OSGIN2: variants seen among roughly 807,000 people sequenced by gnomAD.
OSGIN2 encodes the protein oxidative stress-induced growth inhibitor 2.
OSGIN2 carries 19 observed loss-of-function variants against 53.8 expected under a neutral mutation model. The observed-to-expected ratio is 0.35, with a 90% confidence interval of 0.25 to 0.52. OSGIN2 has a LOEUF of 0.52. OSGIN2 is among the 20% of genes least tolerant of loss of function. The pLI is 0.95. For missense variants in OSGIN2, 520 were observed against 662.7 expected, an observed-to-expected ratio of 0.78 and a Z score of 2.36; for synonymous variants, 236 against 236.0, an observed-to-expected ratio of 1.00 and a Z score of 0.00.
intron 1 of OSGIN2, among the ~76,000 whole-genome samples, chr8:89,904,447 ACAAG>A (rs1808793648): frequency 6.6e-6 from 1 of 152,216 alleles, no homozygotes. Context: ...AGAAAGAAAA[ACAAG>A]CTAGCTGCCA....
At chr8:89,912,281 T>C (rs1042814727) in intron 2 of OSGIN2, among the ~76,000 whole-genome samples, 7 of 152,236 alleles carry the variant, frequency 4.6e-5, no homozygotes, top group African/African-American at 1.2e-4. Context: ...TATAAACATA[T>C]AGGAAAGCAA....
rs1254470175 is a variant in OSGIN2 at position 89,925,594 on chromosome 8, G to A, written c.*62G>A. The stretch of plus-strand genomic sequence containing the variant: ...ATTAAAGATTTTTAATAGTGGTTTT[G>A]CAGTGTACTGGCTTGAATTTTCTGG... On this transcript the variant is annotated 3_prime_UTR_variant, in exon 6 of 6. Transcript: ENST00000451899. The A allele has an allele frequency of 2.3e-6, 3 of 1,332,804 alleles. No homozygotes were observed. The highest frequency in any genetic ancestry group is 4.9e-5 in the East Asian group (2 of 40,842). 82.6% of individuals were successfully genotyped at this position (1,332,804 alleles called of 1,614,324 possible). A position where few individuals can be genotyped will look rare whatever the true frequency, so the allele number is the denominator to read the frequency against.
At chr8:89,911,000 C>G (rs1382157301) in intron 2 of OSGIN2, among the ~76,000 whole-genome samples, 1 of 152,186 alleles carries the variant, frequency 6.6e-6, no homozygotes, top group East Asian at 1.9e-4. Flanking sequence ...ATGTATTATT[C>G]TACTGTTCTG....
At chr8:89,916,386 TGTAA>T (rs1246733724) in intron 4 of OSGIN2, among the ~76,000 whole-genome samples, 1 of 152,204 alleles carries the variant, frequency 6.6e-6, no homozygotes, top group Non-Finnish European at 1.5e-5. Flanking sequence ...AAAATAGGGC[TGTAA>T]GTAATATTTC....
chr8:89,916,980 A>G (rs977106280), intron 4 of OSGIN2, among the ~76,000 whole-genome samples: 2 of 152,160 alleles, frequency 1.3e-5, no homozygotes, highest in Non-Finnish European at 2.9e-5. Flanking sequence ...CTTTTCTACC[A>G]TTCCAGACTG....
At chr8:89,912,189 T>C (rs1319355126) in intron 2 of OSGIN2, among the ~76,000 whole-genome samples, 1 of 151,988 alleles carries the variant, frequency 6.6e-6, no homozygotes, top group African/African-American at 2.4e-5. Flanking sequence ...GCAGATATAA[T>C]AAGTGGTAAT....
chr8:89,923,348 T>G (rs1809247304), intron 5 of OSGIN2, among the ~76,000 whole-genome samples: 1 of 152,140 alleles, frequency 6.6e-6, no homozygotes, highest in African/African-American at 2.4e-5. Context: ...AAATCTAAAG[T>G]TAATTCTAAA....
chr8:89,902,893 C>A, intron 1 of OSGIN2, 56 bp downstream of exon 1: 1 of 1,229,812 alleles, frequency 8.1e-7, no homozygotes, highest in South Asian at 2.1e-5. Flanking sequence ...CGCTCTCGAG[C>A]TTTTTGGCCT....
chr8:89,909,133 T>TTTATAATATA (rs1808914003), intron 1 of OSGIN2, among the ~76,000 whole-genome samples: 1 of 149,184 alleles, frequency 6.7e-6, no homozygotes, highest in South Asian at 2.1e-4. Context: ...AAATGCACAA[T>TTTATAATATA]TTATAATATA....
intron 2 of OSGIN2, among the ~76,000 whole-genome samples, chr8:89,912,260 T>C (rs947159121): frequency 2.0e-5 from 3 of 152,250 alleles, no homozygotes; most frequent in Admixed American, 1.3e-4. Context: ...AGTTTGGTTT[T>C]AGTTAAAGCA....
chr8:89,924,302 ACTT>A (rs777453158), intron 5 of OSGIN2, among the ~76,000 whole-genome samples, 198 bp from the exon 6 acceptor site: 20 of 152,116 alleles, frequency 1.3e-4, no homozygotes, highest in African/African-American at 4.8e-5. Flanking sequence ...CTCTCATGGG[ACTT>A]CTTCCAATTT....
At chr8:89,918,468 C>A (rs563067871) in intron 4 of OSGIN2, among the ~76,000 whole-genome samples, 1 of 152,072 alleles carries the variant, frequency 6.6e-6, no homozygotes, top group Non-Finnish European at 1.5e-5. Flanking sequence ...CCAGCTGACT[C>A]TTGTTCTTTA....
intron 2 of OSGIN2, among the ~76,000 whole-genome samples, chr8:89,912,397 A>G (rs1047803433): frequency 1.3e-5 from 2 of 152,170 alleles, no homozygotes; most frequent in Non-Finnish European, 2.9e-5. Flanking sequence ...GCGTTGCAGT[A>G]AAGAAGTTGA....
intron 1 of OSGIN2, 43 bp downstream of exon 1, chr8:89,902,880 C>G: frequency 7.6e-7 from 1 of 1,313,594 alleles, no homozygotes; most frequent in East Asian, 3.1e-5. Flanking sequence ...GGCGGGGATG[C>G]CGCGCTCTCG....
chr8:89,909,708 T>C lies in OSGIN2; in HGVS notation c.186T>C (p.Pro62=). ...TGGAAGATTCGTCAGTGACTTTTCC[T>C]GTGGTAATAATAGGTAAGTTATTGT... ...SLLEDSSVTF[P]VVIIGNGPSG... Residue 62 remains proline, a synonymous_variant, in exon 2 of 6, where the codon CCT becomes CCC. Coordinates refer to ENST00000451899, the MANE Select transcript of OSGIN2 (RefSeq NM_001126111.3). 6.2e-7 allele frequency: 1 copy of C among 1,604,128 alleles called. No homozygotes were observed. The highest frequency in any genetic ancestry group is 8.5e-7 in the Non-Finnish European group (1 of 1,172,734).
chr8:89,910,063 A>G (rs183419140), intron 2 of OSGIN2, among the ~76,000 whole-genome samples: 49 of 152,028 alleles, frequency 3.2e-4, no homozygotes, highest in African/African-American at 1.1e-3. Flanking sequence ...ATACCTTACA[A>G]CTCTGCAGAC....
intron 1 of OSGIN2, among the ~76,000 whole-genome samples, chr8:89,904,845 A>G (rs1262537971): frequency 6.6e-6 from 1 of 152,210 alleles, no homozygotes; most frequent in Non-Finnish European, 1.5e-5. Flanking sequence ...AACACAGATT[A>G]TAAAACAGGT....
chr8:89,908,512 A>T (rs1808884835), intron 1 of OSGIN2, among the ~76,000 whole-genome samples: 1 of 152,178 alleles, frequency 6.6e-6, no homozygotes, highest in Non-Finnish European at 1.5e-5. Flanking sequence ...CTTGTGAAAT[A>T]ACTGATCTAT....
chr8:89,902,768 C>G lies in OSGIN2; in HGVS notation c.-26C>G, dbSNP rs1808750584. On this transcript the variant is annotated 5_prime_UTR_variant, in exon 1 of 6. Transcript: ENST00000451899. Reference sequence around the variant, plus strand: ...GGCGGAGGCGGCCACGGCGGCCGCGCTCGGGCGCCCCTCGCGCAGCGCTCC... The same window carrying G: ...GGCGGAGGCGGCCACGGCGGCCGCGGTCGGGCGCCCCTCGCGCAGCGCTCC... The G allele has an allele frequency of 3.3e-6, 4 of 1,228,486 alleles. No homozygotes were observed. Among genetic ancestry groups the G allele is most frequent in the Non-Finnish European group, 4.1e-6 (4 of 976,872 alleles). The allele number at this position is 1,228,486 out of a possible 1,614,324, so 76.1% of individuals were successfully genotyped here. A position where few individuals can be genotyped will look rare whatever the true frequency, so the allele number is the denominator to read the frequency against.
Sources: gnomAD v4.1 joint callset for allele counts (sites outside exome capture counted in the v4.1 genomes callset) on GRCh38, gnomAD v4.1.1 for gene constraint, MANE v1.5 for transcripts, NCBI Gene and HGNC (gene_info 2026-07-23, HGNC 2026-07-21) for gene names.